Variants in PCDHA2 observed in about 807,000 individuals in gnomAD.
PCDHA2 encodes protocadherin alpha-2.
A neutral mutation model predicts 66.0 loss-of-function variants in PCDHA2; 58 were observed. The ratio of observed to expected loss-of-function variants is 0.88; its 90% CI spans 0.71 to 1.09. The LOEUF (loss-of-function observed/expected upper bound fraction) is 1.09, where lower values mean the gene tolerates loss of function less well. Among genes scored for constraint, PCDHA2 ranks in the 50% least tolerant of loss-of-function variants. PCDHA2 has a pLI of 0.00. For synonymous variants in PCDHA2, 634 were observed against 554.0 expected (o/e 1.14, Z -2.03); for missense variants, 1,267 against 1,242.3 (o/e 1.02, Z -0.30).
intron 3 of PCDHA2, among the ~76,000 whole-genome samples, chr5:140,983,631 C>T (rs1336337529): frequency 2.0e-5 from 3 of 152,134 alleles, no homozygotes; most frequent in African/African-American, 7.2e-5. Context: ...AAGAAATGTA[C>T]CCAAGTTCAC....
intron 1 of PCDHA2, chr5:140,803,122 C>T (rs1554122584): frequency 6.2e-7 from 1 of 1,613,804 alleles, no homozygotes; most frequent in South Asian, 1.1e-5. Flanking sequence ...GAGGTGGACG[C>T]CCCGCGCCAT....
At position 140,842,039 on chromosome 5, in the gene PCDHA2, C is replaced by T. The variant is rs371732180; in HGVS notation, c.2388+44687C>T. ...AGTGCTGGATGTGAATGATAATGCT[C>T]CCACTTTCGAACAGTCTGAATACGA... On this transcript the variant is annotated intron_variant, in intron 1 of 3. Transcript: ENST00000526136. 4 of 1,613,816 alleles carry T rather than the reference C, an allele frequency of 2.5e-6. No individual in the cohort carries two copies. In the South Asian group the frequency reaches 4.4e-5, roughly 18 times the overall value.
intron 1 of PCDHA2, chr5:140,850,536 C>A (rs1342459599): frequency 1.9e-6 from 3 of 1,598,178 alleles, no homozygotes; most frequent in East Asian, 2.2e-5. Context: ...GTCATCGTCG[C>A]GGGCGTCAGT....
intron 3 of PCDHA2, among the ~76,000 whole-genome samples, chr5:141,001,099 C>A (rs1554258004): frequency 6.6e-6 from 1 of 151,694 alleles, no homozygotes; most frequent in African/African-American, 2.4e-5. Context: ...CTGTCTAATC[C>A]ATAATAAGCA....
chr5:140,901,177 G>T (rs2068485979), intron 1 of PCDHA2, among the ~76,000 whole-genome samples: 1 of 152,034 alleles, frequency 6.6e-6, no homozygotes, highest in African/African-American at 2.4e-5. Flanking sequence ...TCACTTTGTT[G>T]ATTGTTTGCT....
intron 3 of PCDHA2, among the ~76,000 whole-genome samples, chr5:141,001,281 A>T (rs1239906088): frequency 6.6e-6 from 1 of 152,168 alleles, no homozygotes; most frequent in African/African-American, 2.4e-5. Context: ...TTTTTTACGG[A>T]TGAAAACTGA....
At position 140,848,667 on chromosome 5, in the gene PCDHA2, G is replaced by C; in HGVS notation, c.2388+51315G>C. 6.3e-7 allele frequency: 1 copy of C among 1,592,344 alleles called. No homozygotes were observed. On this transcript the variant is annotated intron_variant, in intron 1 of 3. Transcript: ENST00000526136. ...GCAGGACCTGGGGCTGGAGCTGGCG[G>C]AGCTGGTGCCGCGCCTGTTCCAGTT...
At chr5:140,853,340 G>A (rs1398968821) in intron 1 of PCDHA2, 1 of 983,496 alleles carries the variant, frequency 1.0e-6, no homozygotes, top group East Asian at 1.1e-4. Flanking sequence ...GAGGTCATTA[G>A]CAAACATGAA....
At chr5:140,849,965 G>C (rs2150460683) in intron 1 of PCDHA2, 1 of 1,597,882 alleles carries the variant, frequency 6.3e-7, no homozygotes, top group East Asian at 2.2e-5. Context: ...ACGCCCTGGT[G>C]TCCTACTCGC....
In PCDHA2 at chr5:140,797,156, C is replaced by G. The variant is rs782070675; in HGVS notation, c.2192C>G (p.Ala731Gly). The change falls in exon 1 of 4, where the codon GCG becomes GGG. Residue 731 changes from alanine (A) to glycine (G), a missense_variant. By Grantham distance (60) the Ala-to-Gly change is moderately conservative. Coordinates refer to ENST00000526136, the MANE Select transcript of PCDHA2 (RefSeq NM_018905.3). Reference protein sequence around the residue: ...LRCSVPPTEGARAPGKPTLVC... With the variant: ...LRCSVPPTEGGRAPGKPTLVC... ...TGCTCGGTGCCACCCACCGAGGGTG[C>G]GCGCGCGCCAGGAAAGCCCACGCTG... The G allele has an allele frequency of 6.2e-6, 10 of 1,613,954 alleles. No homozygotes were observed. The South Asian group carries it at 9.9e-5, about 16-fold the overall frequency.
intron 1 of PCDHA2, chr5:140,866,360 T>C (rs2049301570): frequency 6.6e-6 from 1 of 152,128 alleles, no homozygotes; most frequent in South Asian, 2.1e-4. Context: ...GTTTACAATA[T>C]TGCATACTTC....
chr5:140,990,984 A>G (rs1213067851), intron 3 of PCDHA2, among the ~76,000 whole-genome samples: 4 of 152,200 alleles, frequency 2.6e-5, no homozygotes, highest in Admixed American at 6.5e-5. Context: ...AAGGAAGACA[A>G]TAGCTACCAT....
intron 1 of PCDHA2, among the ~76,000 whole-genome samples, chr5:140,798,925 G>T (rs148324918): frequency 0.012 from 1,830 of 152,232 alleles, 16 homozygotes; most frequent in Non-Finnish European, 0.019. Flanking sequence ...ATAAATCATA[G>T]AAATAACTTC....
At position 141,011,042 on chromosome 5, in the gene PCDHA2, T is replaced by G. The variant is rs915588789; in HGVS notation, c.*1105T>G. 6.5e-6 allele frequency: 1 copy of G among 153,796 alleles called. No individual in the cohort carries two copies. The highest frequency in any genetic ancestry group is 2.4e-5 in the African/African-American group (1 of 41,464). The allele number at this position is 153,796 out of a possible 1,614,324, so 9.5% of individuals were successfully genotyped here. A position where few individuals can be genotyped will look rare whatever the true frequency, so the allele number is the denominator to read the frequency against. On this transcript the variant is annotated 3_prime_UTR_variant, in exon 4 of 4. Transcript: ENST00000526136. ...TCACAGCTTTACTCTTTCAGGTCACTCTGGGGCTGCCTCTTGCATGTATTA... is the reference window on the plus strand; with the variant it reads ...TCACAGCTTTACTCTTTCAGGTCACGCTGGGGCTGCCTCTTGCATGTATTA...
At position 140,848,366 on chromosome 5, in the gene PCDHA2, G is replaced by A. The variant is rs2150409597; in HGVS notation, c.2388+51014G>A. ...TACAGCCCTTTTCCCATGGGAAAGA[G>A]GCTCAATTCTTTTTCACTCTCTCTG... On this transcript the variant is annotated intron_variant, in intron 1 of 3. Transcript: ENST00000526136. 4.6e-5 allele frequency: 50 copies of A among 1,096,168 alleles called. 2 individuals are homozygous for A. The highest frequency in any genetic ancestry group is 2.3e-5 in the Admixed American group (1 of 42,774). The allele number at this position is 1,096,168 out of a possible 1,614,324, so 67.9% of individuals were successfully genotyped here.
chr5:140,817,668 A>G (rs1213130984), intron 1 of PCDHA2: 6 of 152,168 alleles, frequency 3.9e-5, no homozygotes, highest in African/African-American at 1.4e-4. Context: ...CCTTTCAATT[A>G]TTTATATGTT....
chr5:140,809,507 C>T (rs1288901774), intron 1 of PCDHA2: 2 of 1,614,192 alleles, frequency 1.2e-6, no homozygotes, highest in Non-Finnish European at 1.7e-6. Context: ...GGCCTTCAGC[C>T]CCAGTTTACC....
At chr5:140,875,958 C>G (rs1312300687) in intron 1 of PCDHA2, 4 of 1,614,080 alleles carry the variant, frequency 2.5e-6, no homozygotes, top group Non-Finnish European at 3.4e-6. Flanking sequence ...ATGCGGATAT[C>G]GGCGTAAACT....
rs1408028670 is a variant in PCDHA2 at position 140,806,966 on chromosome 5, G to A, written c.2388+9614G>A. 5.0e-6 allele frequency: 3 copies of A among 604,170 alleles called. No homozygotes were observed. The African/African-American group carries it at 5.6e-5, about 11-fold the overall frequency. The allele number at this position is 604,170 out of a possible 1,614,324, so 37.4% of individuals were successfully genotyped here. Reference sequence around the variant, plus strand: ...AGAGTGTGTGGGGGTTTCCACAATTGCTACTTACGGTTTGGAGCCACATGA... The same window carrying A: ...AGAGTGTGTGGGGGTTTCCACAATTACTACTTACGGTTTGGAGCCACATGA... On this transcript the variant is annotated intron_variant, in intron 1 of 3. Coordinates refer to ENST00000526136, the MANE Select transcript of PCDHA2 (RefSeq NM_018905.3).
Sources: gnomAD v4.1 joint callset for allele counts (sites outside exome capture counted in the v4.1 genomes callset) on GRCh38, gnomAD v4.1.1 for gene constraint, MANE v1.5 for transcripts, NCBI Gene and HGNC (gene_info 2026-07-23, HGNC 2026-07-21) for gene names.